CLIC2: variants seen among roughly 807,000 people sequenced by gnomAD.
CLIC2 encodes chloride intracellular channel protein 2.
CLIC2 carries 9 observed loss-of-function variants against 14.8 expected under a neutral mutation model. The ratio of observed to expected loss-of-function variants is 0.61; its 90% CI spans 0.37 to 1.06. CLIC2 has a LOEUF of 1.06. Ranked by LOEUF, CLIC2 falls within the 50% of genes least tolerant of loss-of-function variation. The probability of loss-of-function intolerance (pLI) is 0.01; values close to 1 mark genes in which losing one functional copy is unlikely to be tolerated. For missense variants in CLIC2, 148 were observed against 181.4 expected (o/e 0.82, Z 1.06); for synonymous variants, 61 against 66.3 (o/e 0.92, Z 0.39).
At chrX:155,332,423 G>A (rs782444214) in intron 1 of CLIC2, among the ~76,000 whole-genome samples, 1 of 111,577 alleles carries the variant, frequency 9.0e-6, no homozygotes, top group Non-Finnish European at 1.9e-5. Flanking sequence ...TCTGTAATTT[G>A]TATCAATGTC....
intron 5 of CLIC2, among the ~76,000 whole-genome samples, chrX:155,278,564 C>A (rs781996608): frequency 1.4e-4 from 16 of 112,460 alleles, no homozygotes; most frequent in Middle Eastern, 4.6e-3. Flanking sequence ...TTATTTAATT[C>A]TCTTAACAAT....
At chrX:155,290,598 T>TATC (rs782287677) in intron 3 of CLIC2, 57 of 671,667 alleles carry the variant, frequency 8.5e-5, no homozygotes, top group Non-Finnish European at 1.3e-4. Flanking sequence ...ACTGCATGTG[T>TATC]ATCTGGGCAT....
rs2074900284 is a variant in CLIC2 at position 155,276,825 on chromosome X, G to T, written c.*1078C>A. Reference sequence around the variant, plus strand: ...TAACCATACACTATACATTTATCTTGACTCTATGGTTTTCAAGGACAGTAC... The same window carrying T: ...TAACCATACACTATACATTTATCTTTACTCTATGGTTTTCAAGGACAGTAC... On this transcript the variant is annotated 3_prime_UTR_variant, in exon 6 of 6. Transcript: ENST00000369449. The T allele has an allele frequency of 2.7e-5, 3 of 112,088 alleles. No homozygotes were observed. The South Asian group carries it at 1.1e-3, about 41-fold the overall frequency. The allele number at this position is 112,088 out of a possible 1,213,427, so 9.2% of individuals were successfully genotyped here.
At position 155,315,960 on chromosome X, in the gene CLIC2, G is replaced by C. The variant is rs1165969791; in HGVS notation, c.58-16815C>G. Among the ~76,000 whole-genome samples the C allele has an allele frequency of 4.5e-5, 5 of 111,725 alleles. No homozygotes were observed. In the Admixed American group the frequency reaches 4.8e-4, roughly 11 times the overall value. On this transcript the variant is annotated intron_variant, in intron 1 of 5. Transcript: ENST00000369449. ...TGGACACCAAAAGTGAGCAGAAGTA[G>C]CTATTCTTATATCAGACAAAACAAA...
At chrX:155,316,576 A>G (rs1485689541) in intron 1 of CLIC2, among the ~76,000 whole-genome samples, 2 of 111,448 alleles carry the variant, frequency 1.8e-5, no homozygotes, top group Non-Finnish European at 3.8e-5. Flanking sequence ...TAACAGTGAC[A>G]CAACTTATCA....
At chrX:155,330,019 G>A (rs1557322652) in intron 1 of CLIC2, among the ~76,000 whole-genome samples, 1 of 111,063 alleles carries the variant, frequency 9.0e-6, no homozygotes, top group Non-Finnish European at 1.9e-5. Flanking sequence ...AGTAAAGGAT[G>A]GCTACTAGAG....
chrX:155,322,657 A>G, intron 1 of CLIC2, among the ~76,000 whole-genome samples: 1 of 111,974 alleles, frequency 8.9e-6, no homozygotes, highest in Non-Finnish European at 1.9e-5. Context: ...GAGAAGCAAG[A>G]GCAAACAAAT....
At chrX:155,293,372 C>T in intron 3 of CLIC2, 1 of 1,054,151 alleles carries the variant, frequency 9.5e-7, no homozygotes, top group Non-Finnish European at 1.3e-6. Flanking sequence ...AAAGGAAAGG[C>T]TGAATCACTT....
At position 155,307,609 on chromosome X, in the gene CLIC2, G is replaced by A. The variant is rs183416163; in HGVS notation, c.58-8464C>T. Among the ~76,000 whole-genome samples, 1,021 of 112,282 alleles carry A rather than the reference G, an allele frequency of 9.1e-3. 8 individuals are homozygous for A. The highest frequency in any genetic ancestry group is 0.074 in the South Asian group (197 of 2,680). On this transcript the variant is annotated intron_variant, in intron 1 of 5. Transcript: ENST00000369449. ...TTTAAAAATGGGCAAGAGACGCCAA[G>A]TGTGGTGGCTCATGCCTGTAATCCT...
intron 1 of CLIC2, among the ~76,000 whole-genome samples, chrX:155,299,396 T>A (rs975086858): frequency 9.0e-5 from 10 of 110,966 alleles, no homozygotes; most frequent in Admixed American, 2.9e-4. Flanking sequence ...TTCCTATTGA[T>A]AGACATTTAA....
intron 1 of CLIC2, among the ~76,000 whole-genome samples, chrX:155,304,934 C>A (rs1488535766): frequency 5.7e-5 from 6 of 104,839 alleles, no homozygotes; most frequent in Non-Finnish European, 9.9e-5. Flanking sequence ...GCAGTCTGCC[C>A]GTTCTCAGAT....
chrX:155,292,239 G>T (rs1311044774), intron 3 of CLIC2: 17 of 567,800 alleles, frequency 3.0e-5, no homozygotes, highest in Non-Finnish European at 5.2e-5. Flanking sequence ...GATTTAGAGA[G>T]ACGAGATTTG....
intron 1 of CLIC2, among the ~76,000 whole-genome samples, chrX:155,320,326 C>T (rs2075109891): frequency 8.9e-6 from 1 of 112,047 alleles, no homozygotes; most frequent in Non-Finnish European, 1.9e-5. Flanking sequence ...TGGCATCTGG[C>T]AGGTGCCCCT....
In CLIC2 at chrX:155,294,598, G is replaced by A. The variant is rs782589135; in HGVS notation, c.293+4187C>T. Among the ~76,000 whole-genome samples, 9 of 111,871 alleles carry A rather than the reference G, an allele frequency of 8.0e-5. No homozygotes were observed. The East Asian group carries it at 2.5e-3, about 31-fold the overall frequency. ...CTAAAAAATACAAAGCATCATGATT[G>A]AAAAAGTTGGTTTTTGTTAAATTGA... On this transcript the variant is annotated intron_variant, in intron 3 of 5. Transcript: ENST00000369449.
chrX:155,276,616 T>C lies in CLIC2; in HGVS notation c.*1287A>G, dbSNP rs1055983299. 3 of 111,800 alleles carry C rather than the reference T, an allele frequency of 2.7e-5. No homozygotes were observed. Among genetic ancestry groups the C allele is most frequent in the Non-Finnish European group, 5.7e-5 (3 of 53,069 alleles). 9.2% of individuals were successfully genotyped at this position (111,800 alleles called of 1,213,427 possible). On this transcript the variant is annotated 3_prime_UTR_variant, in exon 6 of 6. Transcript: ENST00000369449. ...TTCCACATATGAGTGAGATCAACTT[T>C]TTAAAATTCCACATATGAGTGAGAT...
At chrX:155,334,278 C>T in intron 1 of CLIC2, 93 bp downstream of exon 1, 1 of 711,443 alleles carries the variant, frequency 1.4e-6, no homozygotes, top group African/African-American at 2.1e-5. Flanking sequence ...TTTCCTATCT[C>T]TAGCCCAAAT....
At chrX:155,295,792 A>G (rs918098900) in intron 3 of CLIC2, among the ~76,000 whole-genome samples, 4 of 111,742 alleles carry the variant, frequency 3.6e-5, no homozygotes, top group Non-Finnish European at 7.5e-5. Flanking sequence ...TAAAATATCT[A>G]GGAATAATTT....
intron 1 of CLIC2, among the ~76,000 whole-genome samples, chrX:155,322,380 A>G (rs898212241): frequency 8.9e-6 from 1 of 112,166 alleles, no homozygotes; most frequent in Non-Finnish European, 1.9e-5. Flanking sequence ...GTGCAATCAA[A>G]TTAGAACTCA....
At chrX:155,310,395 AT>A in intron 1 of CLIC2, 1 of 251,051 alleles carries the variant, frequency 4.0e-6, no homozygotes, top group Non-Finnish European at 7.8e-6. Flanking sequence ...TCTGAAGCCA[AT>A]TTCCCCAGTG....
Sources: gnomAD v4.1 joint callset for allele counts (sites outside exome capture counted in the v4.1 genomes callset) on GRCh38, gnomAD v4.1.1 for gene constraint, MANE v1.5 for transcripts, NCBI Gene and HGNC (gene_info 2026-07-23, HGNC 2026-07-21) for gene names.